Variants in BACE2 observed in about 807,000 individuals in gnomAD.
The protein encoded by BACE2 is 56 kDa aspartic-like protease.
BACE2 carries 17 observed loss-of-function variants against 46.2 expected under a neutral mutation model. The ratio of observed to expected loss-of-function variants is 0.37; its 90% CI spans 0.25 to 0.55. The LOEUF (loss-of-function observed/expected upper bound fraction) is 0.55, where lower values mean the gene tolerates loss of function less well. BACE2 is among the 20% of genes least tolerant of loss of function. The pLI is 0.82. For missense variants in BACE2, 595 were observed against 698.1 expected (o/e 0.85, Z 1.66); for synonymous variants, 277 against 295.9 (o/e 0.94, Z 0.66).
Position 41,281,363 on chromosome 21 carries a change from G to A in BACE2, c.*5739G>A, listed in dbSNP as rs946318959. 2.0e-5 allele frequency: 3 copies of A among 152,212 alleles called. No individual in the cohort carries two copies. The highest frequency in any genetic ancestry group is 2.4e-5 in the African/African-American group (1 of 41,456). The allele number at this position is 152,212 out of a possible 1,614,324, so 9.4% of individuals were successfully genotyped here. ...ATCAATAAAAGGCTAGAAACCTTGG[G>A]TGTCCTTGGCAACCTAGCCTTTGAC... is the stretch of plus-strand genomic sequence containing the variant. On this transcript the variant is annotated 3_prime_UTR_variant, in exon 9 of 9. Coordinates refer to ENST00000330333, the MANE Select transcript of BACE2 (RefSeq NM_012105.5).
chr21:41,255,562 C>G, intron 7 of BACE2, among the ~76,000 whole-genome samples: 1 of 152,188 alleles, frequency 6.6e-6, no homozygotes, highest in East Asian at 1.9e-4. Context: ...GGGGGCACTT[C>G]CCGCCCTATG....
chr21:41,277,918 C>T lies in BACE2; in HGVS notation c.*2294C>T, dbSNP rs8129686. On this transcript the variant is annotated 3_prime_UTR_variant, in exon 9 of 9. Transcript: ENST00000330333. ...TACTGAAACTACAAAAGCATAACTT[C>T]GCAACAAGAATGAGATAGACAATTG... 5.4e-3 allele frequency: 829 copies of T among 152,302 alleles called. 7 individuals carry two copies. Among genetic ancestry groups the T allele is most frequent in the African/African-American group, 0.019 (796 of 41,566 alleles). The allele number at this position is 152,302 out of a possible 1,614,324, so 9.4% of individuals were successfully genotyped here.
At chr21:41,185,374 A>G (rs1985332941) in intron 1 of BACE2, 1 of 152,184 alleles carries the variant, frequency 6.6e-6, no homozygotes, top group Admixed American at 6.5e-5. Flanking sequence ...TGACTTGCTG[A>G]AGAACCTACC....
rs180684956 is a variant in BACE2, at chr21:41,275,560, G to T, written c.1493G>T (p.Arg498Leu). Reference protein sequence around the residue: ...VLLLLPFRCQRRPRDPEVVND... With the variant: ...VLLLLPFRCQLRPRDPEVVND... The stretch of plus-strand genomic sequence containing the variant: ...CTGCTGCTGCCGTTCCGGTGTCAGC[G>T]TCGCCCCCGTGACCCTGAGGTCGTC... Residue 498 changes from arginine to leucine, a missense_variant, in exon 9 of 9, where the codon CGT becomes CTT. Around this residue, in one of 3 missense-constraint regions of BACE2, gnomAD observed 343 missense variants for 419.4 expected, o/e 0.82. Coordinates refer to ENST00000330333, the MANE Select transcript of BACE2 (RefSeq NM_012105.5). The T allele has an allele frequency of 1.1e-5, 17 of 1,613,926 alleles. No homozygotes were observed.
chr21:41,226,061 C>T (rs1986808359), intron 1 of BACE2, among the ~76,000 whole-genome samples: 1 of 152,214 alleles, frequency 6.6e-6, no homozygotes, highest in Non-Finnish European at 1.5e-5. Context: ...ACCATTTCCC[C>T]TCTCCAGTGC....
At chr21:41,185,423 C>A (rs529555140) in intron 1 of BACE2, among the ~76,000 whole-genome samples, 54 of 152,316 alleles carry the variant, frequency 3.5e-4, no homozygotes, top group African/African-American at 1.3e-3. Context: ...GGGCTGGCCA[C>A]TTGTCTACCA....
chr21:41,195,617 A>T (rs577509123), intron 1 of BACE2, among the ~76,000 whole-genome samples: 5 of 152,204 alleles, frequency 3.3e-5, no homozygotes, highest in Non-Finnish European at 7.3e-5. Context: ...AATCCTGGTG[A>T]GGTCAGAGGC....
At chr21:41,252,528 C>A (rs1429393024) in intron 7 of BACE2, 1 of 152,172 alleles carries the variant, frequency 6.6e-6, no homozygotes, top group African/African-American at 2.4e-5. Context: ...CTTTAGGGTA[C>A]GTTTTATGCT....
intron 1 of BACE2, among the ~76,000 whole-genome samples, chr21:41,190,502 A>T (rs774902366): frequency 1.3e-5 from 2 of 152,244 alleles, no homozygotes; most frequent in African/African-American, 4.8e-5. Flanking sequence ...AATACTCATG[A>T]CAATTACAGT....
chr21:41,236,918 A>C (rs1392223376), intron 2 of BACE2, among the ~76,000 whole-genome samples: 1 of 152,234 alleles, frequency 6.6e-6, no homozygotes, highest in Non-Finnish European at 1.5e-5. Flanking sequence ...ATAGTGAAAA[A>C]TTAAACTCCA....
Position 41,213,380 on chromosome 21 carries a change from G to A in BACE2, c.313-12886G>A, listed in dbSNP as rs1015534893. ...GGCAACAGCCTTTGTACGGTTTATC[G>A]TTTACTCTCAGCCAGCAGGCAGAAG... On this transcript the variant is annotated intron_variant, in intron 1 of 8. Transcript: ENST00000330333. Among the ~76,000 whole-genome samples, 6 of 152,152 alleles carry A rather than the reference G, an allele frequency of 3.9e-5. No individual in the cohort carries two copies. In the East Asian group the frequency reaches 9.6e-4, roughly 24 times the overall value.
intron 8 of BACE2, among the ~76,000 whole-genome samples, chr21:41,266,284 T>G (rs992422573): frequency 1.3e-5 from 2 of 152,228 alleles, no homozygotes; most frequent in African/African-American, 4.8e-5. Context: ...CGTTGTTCTA[T>G]TTTTCCATCA....
At chr21:41,228,241 C>G (rs949465724) in intron 2 of BACE2, among the ~76,000 whole-genome samples, 2 of 152,206 alleles carry the variant, frequency 1.3e-5, no homozygotes, top group Non-Finnish European at 2.9e-5. Flanking sequence ...AACACTCTGG[C>G]TCCGTGGTGC....
intron 2 of BACE2, among the ~76,000 whole-genome samples, chr21:41,227,368 A>T (rs1601287783): frequency 1.3e-5 from 2 of 152,218 alleles, no homozygotes; most frequent in South Asian, 2.1e-4. Flanking sequence ...CGCTTTCCTT[A>T]TCCTCAGTGT....
intron 4 of BACE2, among the ~76,000 whole-genome samples, chr21:41,242,423 A>G (rs1717265341): frequency 6.6e-6 from 1 of 152,136 alleles, no homozygotes; most frequent in Non-Finnish European, 1.5e-5. Flanking sequence ...CAAGGCCGTC[A>G]GCACTACGGA....
intron 7 of BACE2, among the ~76,000 whole-genome samples, chr21:41,251,617 A>G (rs932837664): frequency 1.3e-5 from 2 of 152,186 alleles, no homozygotes; most frequent in African/African-American, 4.8e-5. Flanking sequence ...CCTGGCCAAC[A>G]TGGCAAAACC....
At chr21:41,232,391 G>A (rs1007497785) in intron 2 of BACE2, among the ~76,000 whole-genome samples, 6 of 152,216 alleles carry the variant, frequency 3.9e-5, no homozygotes, top group African/African-American at 1.2e-4. Flanking sequence ...TTTAGATTCA[G>A]TAAGAGTAGC....
intron 2 of BACE2, among the ~76,000 whole-genome samples, chr21:41,236,307 A>G (rs989173695): frequency 7.9e-5 from 12 of 152,156 alleles, no homozygotes; most frequent in African/African-American, 1.4e-4. Context: ...TCATGCAAAC[A>G]TGGTTGGATC....
intron 1 of BACE2, among the ~76,000 whole-genome samples, chr21:41,204,434 G>A (rs1388637193): frequency 2.0e-5 from 3 of 152,148 alleles, no homozygotes; most frequent in African/African-American, 7.2e-5. Flanking sequence ...AACTGATGAT[G>A]CAGAAGAAAG....
Sources: gnomAD v4.1 joint callset for allele counts (sites outside exome capture counted in the v4.1 genomes callset) on GRCh38, gnomAD v4.1.1 for gene constraint, gnomAD v4.1.1 regional missense constraint, MANE v1.5 for transcripts, NCBI Gene and HGNC (gene_info 2026-07-23, HGNC 2026-07-21) for gene names.